The following MICU1 variants were observed in gnomAD, a reference collection of about 807,000 sequenced individuals.
MICU1 encodes the protein mitochondrial calcium uptake 1, also known as calcium uptake protein 1, mitochondrial.
MICU1 carries 45 observed loss-of-function variants against 56.8 expected under a neutral mutation model. That is an observed-to-expected ratio of 0.79 (90% CI 0.62 to 1.02). MICU1 has a LOEUF of 1.02. Among genes scored for constraint, MICU1 ranks in the 50% least tolerant of loss-of-function variants. The pLI is 0.00. For missense variants in MICU1, 504 were observed against 587.1 expected, an observed-to-expected ratio of 0.86 and a Z score of 1.46; for synonymous variants, 186 against 195.1, an observed-to-expected ratio of 0.95 and a Z score of 0.39.
chr10:72,586,001 C>CTTTTTTTTTTTATTTTTTTTTTTTTTTT (rs1431354386), intron 1 of MICU1, among the ~76,000 whole-genome samples: 1 of 102,006 alleles, frequency 9.8e-6, no homozygotes, highest in Non-Finnish European at 2.1e-5. Context: ...TTTATTTTTT[C>CTTTTTTTTTTTATTTTTTTTTTTTTTTT]TTTTTTTTTT....
intron 10 of MICU1, among the ~76,000 whole-genome samples, chr10:72,383,815 T>A (rs1862799701): frequency 6.6e-6 from 1 of 152,084 alleles, no homozygotes; most frequent in Non-Finnish European, 1.5e-5. Context: ...TTTGTTTTTT[T>A]GAGACAGGGT....
chr10:72,373,205 G>A (rs970870925), intron 11 of MICU1, among the ~76,000 whole-genome samples: 12 of 147,276 alleles, frequency 8.1e-5, no homozygotes, highest in African/African-American at 2.5e-4. Flanking sequence ...TTTGAGATGA[G>A]GTCTTGCTCT....
At chr10:72,435,398 A>T (rs891260306) in intron 8 of MICU1, among the ~76,000 whole-genome samples, 6 of 151,472 alleles carry the variant, frequency 4.0e-5, no homozygotes, top group African/African-American at 1.5e-4. Context: ...AAAAAAAAAA[A>T]AAAAAAAAAA....
chr10:72,488,154 T>C (rs1317324553), intron 6 of MICU1, among the ~76,000 whole-genome samples: 2 of 148,118 alleles, frequency 1.4e-5, no homozygotes, highest in Non-Finnish European at 1.5e-5. Context: ...GATTGCACCA[T>C]TGCACTCCAG....
At position 72,475,161 on chromosome 10, in the gene MICU1, A is replaced by G; in HGVS notation, c.872T>C (p.Leu291Pro). Residue 291 changes from leucine (L) to proline (P), a missense_variant, in exon 8 of 12, where the codon CTG (leucine) becomes CCG (proline). Leu to Pro is a moderately conservative substitution (Grantham distance 98). Transcript: ENST00000361114. ...AAATTCGAGGAAGTTTTTGATTGTC[A>G]GCTTTCCCTTCAGATCAGCTCCAAA... ...YFFGADLKGK[L>P]TIKNFLEFQR... is the part of the protein sequence containing the mutation. 1 of 1,611,644 alleles carries G rather than the reference A, an allele frequency of 6.2e-7. No homozygotes were observed. Among genetic ancestry groups the G allele is most frequent in the Non-Finnish European group, 8.5e-7 (1 of 1,178,890 alleles).
chr10:72,623,567 G>A (rs927721531), intron 1 of MICU1, among the ~76,000 whole-genome samples: 1 of 151,946 alleles, frequency 6.6e-6, no homozygotes, highest in Non-Finnish European at 1.5e-5. Context: ...GGCCAGGTGT[G>A]GTGGCTCAGG....
At chr10:72,545,591 A>G (rs1162521038) in intron 4 of MICU1, among the ~76,000 whole-genome samples, 7 of 152,178 alleles carry the variant, frequency 4.6e-5, no homozygotes, top group Non-Finnish European at 8.8e-5. Flanking sequence ...GGGTTAAGAT[A>G]GGGGTTGGGG....
At chr10:72,581,505 G>A (rs1347269906) in intron 1 of MICU1, among the ~76,000 whole-genome samples, 1 of 152,152 alleles carries the variant, frequency 6.6e-6, no homozygotes, top group Admixed American at 6.5e-5. Flanking sequence ...GTGCCTGCCG[G>A]TAATCCCAGC....
chr10:72,492,682 G>A (rs571970071), intron 6 of MICU1, among the ~76,000 whole-genome samples: 4 of 151,664 alleles, frequency 2.6e-5, no homozygotes, highest in African/African-American at 9.7e-5. Context: ...AGAATTGCTT[G>A]AACCCGGGAG....
intron 11 of MICU1, among the ~76,000 whole-genome samples, chr10:72,375,471 C>T (rs1455382478): frequency 2.0e-5 from 3 of 152,166 alleles, no homozygotes; most frequent in African/African-American, 7.2e-5. Flanking sequence ...CTGAGTGCTC[C>T]GTATCCGCTA....
rs531687394 is a variant in MICU1 at position 72,582,547 on chromosome 10, G to A, written c.-1-15753C>T. 2.0e-5 allele frequency among the ~76,000 whole-genome samples: 3 copies of A among 152,058 alleles called. No homozygotes were observed. In the East Asian group the frequency reaches 5.8e-4, roughly 29 times the overall value. ...TTGAGCTCAAGCAATCTTGAACCTT[G>A]TCAGGTTCAAGACCAACCTGGACAA... On this transcript the variant is annotated intron_variant, in intron 1 of 11. Coordinates refer to ENST00000361114, the MANE Select transcript of MICU1 (RefSeq NM_001195518.2).
chr10:72,489,093 A>T, intron 6 of MICU1, among the ~76,000 whole-genome samples: 1 of 152,080 alleles, frequency 6.6e-6, no homozygotes, highest in South Asian at 2.1e-4. Context: ...GTTCAAGACC[A>T]GCGTGGCCAA....
chr10:72,372,495 GTAAT>G (rs1028970601), intron 11 of MICU1, among the ~76,000 whole-genome samples: 4 of 152,038 alleles, frequency 2.6e-5, no homozygotes, highest in Non-Finnish European at 5.9e-5. Flanking sequence ...AAAAAAAAAT[GTAAT>G]TAAGAGAACA....
chr10:72,548,824 G>C (rs1839959191), intron 4 of MICU1, among the ~76,000 whole-genome samples: 1 of 152,138 alleles, frequency 6.6e-6, no homozygotes, highest in African/African-American at 2.4e-5. Context: ...AGCCTCCTGA[G>C]TAGCTGGGAT....
chr10:72,584,820 G>A (rs1207732500), intron 1 of MICU1, among the ~76,000 whole-genome samples: 1 of 152,060 alleles, frequency 6.6e-6, no homozygotes, highest in Admixed American at 6.6e-5. Flanking sequence ...GGGATTATAC[G>A]TGTGAGCCAC....
intron 4 of MICU1, among the ~76,000 whole-genome samples, chr10:72,539,263 T>G (rs1025824184): frequency 6.6e-6 from 1 of 152,146 alleles, no homozygotes; most frequent in Non-Finnish European, 1.5e-5. Flanking sequence ...TTACAGAACA[T>G]TCCATCCAAC....
At chr10:72,562,350 C>T (rs1840321833) in intron 3 of MICU1, among the ~76,000 whole-genome samples, 1 of 151,882 alleles carries the variant, frequency 6.6e-6, no homozygotes, top group African/African-American at 2.4e-5. Flanking sequence ...GACAGGGTTT[C>T]ATCACATTGG....
intron 4 of MICU1, among the ~76,000 whole-genome samples, chr10:72,546,858 T>C (rs967166905): frequency 3.3e-5 from 5 of 151,432 alleles, no homozygotes; most frequent in Non-Finnish European, 5.9e-5. Context: ...CCCAAGTAGC[T>C]GAGACTACAG....
At chr10:72,605,495 T>A (rs1192319627) in intron 1 of MICU1, among the ~76,000 whole-genome samples, 1 of 152,224 alleles carries the variant, frequency 6.6e-6, no homozygotes, top group East Asian at 1.9e-4. Context: ...CACTTTACTC[T>A]ATGCTTGCTC....
Sources: gnomAD v4.1 joint callset for allele counts (sites outside exome capture counted in the v4.1 genomes callset) on GRCh38, gnomAD v4.1.1 for gene constraint, MANE v1.5 for transcripts, NCBI Gene and HGNC (gene_info 2026-07-23, HGNC 2026-07-21) for gene names.